Variants in CRB1 observed in about 807,000 individuals in gnomAD.
The protein encoded by CRB1 is crumbs cell polarity complex component 1.
CRB1 carries 83 observed loss-of-function variants against 120.0 expected under a neutral mutation model. The ratio of observed to expected loss-of-function variants is 0.69; its 90% CI spans 0.58 to 0.83. The LOEUF (loss-of-function observed/expected upper bound fraction) is 0.83, where lower values mean the gene tolerates loss of function less well. Ranked by LOEUF, CRB1 falls within the 40% of genes least tolerant of loss-of-function variation. CRB1 has a pLI of 0.00. For synonymous variants in CRB1, 625 were observed against 612.5 expected (o/e 1.02, Z -0.30); for missense variants, 1,699 against 1,687.6 (o/e 1.01, Z -0.12).
intron 11 of CRB1, among the ~76,000 whole-genome samples, chr1:197,456,938 A>G (rs1429242213): frequency 1.3e-5 from 2 of 152,170 alleles, no homozygotes; most frequent in African/African-American, 4.8e-5. Flanking sequence ...AAAGTAAGAT[A>G]AGTATGGTTG....
intron 6 of CRB1, among the ~76,000 whole-genome samples, chr1:197,423,355 C>T (rs891423765): frequency 1.3e-5 from 2 of 152,146 alleles, no homozygotes; most frequent in Non-Finnish European, 1.5e-5. Flanking sequence ...TTACCCTTCC[C>T]CCACTTCTCC....
intron 5 of CRB1, among the ~76,000 whole-genome samples, chr1:197,403,376 A>T (rs1359768327): frequency 1.3e-5 from 2 of 152,154 alleles, no homozygotes; most frequent in Non-Finnish European, 2.9e-5. Context: ...ACTTCTTGCC[A>T]TTGATCCATT....
chr1:197,369,197 C>G (rs548545351), intron 5 of CRB1, among the ~76,000 whole-genome samples: 1 of 152,096 alleles, frequency 6.6e-6, no homozygotes. Flanking sequence ...TTTTATTAAG[C>G]ATGTTAATCA....
At chr1:197,361,103 T>A (rs1660744702) in intron 5 of CRB1, among the ~76,000 whole-genome samples, 1 of 152,170 alleles carries the variant, frequency 6.6e-6, no homozygotes. Context: ...CTGAAATAAA[T>A]CCCACTTGGT....
At chr1:197,303,860 T>G (rs1176792599) in intron 1 of CRB1, among the ~76,000 whole-genome samples, 3 of 152,140 alleles carry the variant, frequency 2.0e-5, no homozygotes, top group Non-Finnish European at 4.4e-5. Flanking sequence ...TGTTGGTGTG[T>G]GCCTGTAGTT....
intron 5 of CRB1, chr1:197,358,032 A>G (rs911187554): frequency 6.6e-6 from 1 of 152,212 alleles, no homozygotes; most frequent in Admixed American, 6.5e-5. Context: ...ATAAATCTTG[A>G]TGTGACTCAA....
At chr1:197,325,149 T>C (rs1191081204) in intron 1 of CRB1, among the ~76,000 whole-genome samples, 1 of 152,204 alleles carries the variant, frequency 6.6e-6, no homozygotes, top group African/African-American at 2.4e-5. Context: ...CCTTACCATG[T>C]GCAAGCCATT....
At chr1:197,341,603 G>A (rs779403503) in intron 2 of CRB1, among the ~76,000 whole-genome samples, 3 of 152,020 alleles carry the variant, frequency 2.0e-5, no homozygotes, top group South Asian at 2.1e-4. Context: ...ATCTACATTC[G>A]CTTATGTGAA....
At chr1:197,420,822 A>G (rs1344458732) in intron 5 of CRB1, among the ~76,000 whole-genome samples, 178 bp from the exon 6 acceptor site, 2 of 152,196 alleles carry the variant, frequency 1.3e-5, no homozygotes, top group South Asian at 2.1e-4. Context: ...TCTTCATGAC[A>G]CAGGTGGAAT....
At chr1:197,254,636 GC>G in the CRB1 span, among the ~76,000 whole-genome samples, 1 of 151,972 alleles carries the variant, frequency 6.6e-6, no homozygotes, top group Admixed American at 6.6e-5. Flanking sequence ...TAGAACTAGG[GC>G]TGCTTCCAGA....
intron 5 of CRB1, among the ~76,000 whole-genome samples, chr1:197,395,428 CT>C (rs1471659222): frequency 6.6e-6 from 1 of 152,094 alleles, no homozygotes; most frequent in Non-Finnish European, 1.5e-5. Context: ...TGGCAGCCTG[CT>C]TAGAAGATTG....
chr1:197,219,469 G>C, the CRB1 span, among the ~76,000 whole-genome samples: 1 of 152,188 alleles, frequency 6.6e-6, no homozygotes, highest in Non-Finnish European at 1.5e-5. Context: ...ATGAGACACT[G>C]TCTAGTGCCA....
At chr1:197,290,014 ATCTT>A (rs1035054116) in intron 1 of CRB1, among the ~76,000 whole-genome samples, 3 of 151,678 alleles carry the variant, frequency 2.0e-5, no homozygotes, top group Non-Finnish European at 4.4e-5. Flanking sequence ...TTGTCAGTCT[ATCTT>A]AAGGGTTGGG....
At chr1:197,376,497 C>T (rs1661653062) in intron 5 of CRB1, among the ~76,000 whole-genome samples, 1 of 152,160 alleles carries the variant, frequency 6.6e-6, no homozygotes, top group Admixed American at 6.5e-5. Context: ...CATATTCACC[C>T]AGTTGGTCAG....
upstream of CRB1, among the ~76,000 whole-genome samples, chr1:197,267,759 A>G (rs1311692902): frequency 6.6e-6 from 1 of 152,236 alleles, no homozygotes; most frequent in Non-Finnish European, 1.5e-5. Context: ...ATCCCAGAGC[A>G]TATAATTTCA....
intron 11 of CRB1, among the ~76,000 whole-genome samples, chr1:197,448,497 T>G (rs1262304732): frequency 6.6e-6 from 1 of 152,190 alleles, no homozygotes; most frequent in Non-Finnish European, 1.5e-5. Flanking sequence ...ACAAACTGTC[T>G]CCAACTTCAT....
chr1:197,312,845 T>A (rs868058957), intron 1 of CRB1, among the ~76,000 whole-genome samples: 1 of 152,254 alleles, frequency 6.6e-6, no homozygotes, highest in Non-Finnish European at 1.5e-5. Flanking sequence ...AATATTATTC[T>A]TGTATTTTTC....
rs903147846 is a variant in CRB1 at position 197,429,454 on chromosome 1, C to A, written c.2682C>A (p.Asn894Lys). ...TTGATTTCTTTTCTGCTCAGTCCAA[C>A]CCCTGTCACAATGGAGGTGTTTGCC... ...GCAGDNSCKS[N>K]PCHNGGVCHS... The change falls in exon 8 of 12, where the codon AAC becomes AAA. Residue 894 changes from asparagine to lysine, a missense_variant. Coordinates refer to ENST00000367400, the MANE Select transcript of CRB1 (RefSeq NM_201253.3). The A allele has an allele frequency of 8.1e-6, 13 of 1,613,950 alleles. No homozygotes were observed. The highest frequency in any genetic ancestry group is 9.3e-6 in the Non-Finnish European group (11 of 1,179,940).
At chr1:197,317,108 T>C (rs1187589542) in intron 1 of CRB1, among the ~76,000 whole-genome samples, 2 of 152,290 alleles carry the variant, frequency 1.3e-5, no homozygotes, top group Non-Finnish European at 1.5e-5. Flanking sequence ...GCAGATTCAG[T>C]GCAATCTCTA....
Sources: gnomAD v4.1 joint callset for allele counts (sites outside exome capture counted in the v4.1 genomes callset) on GRCh38, gnomAD v4.1.1 for gene constraint, MANE v1.5 for transcripts, NCBI Gene and HGNC (gene_info 2026-07-23, HGNC 2026-07-21) for gene names.